The following MPC1 variants were observed in gnomAD, a reference collection of about 807,000 sequenced individuals.
MPC1 encodes the protein HSPC040 protein.
In MPC1, 6 loss-of-function variants were observed where a neutral mutation model predicts 13.9. That is an observed-to-expected ratio of 0.43 (90% confidence interval 0.24 to 0.85). The LOEUF (loss-of-function observed/expected upper bound fraction) is 0.85. Ranked by LOEUF, MPC1 falls within the 40% of genes least tolerant of loss-of-function variation. The probability of loss-of-function intolerance (pLI) is 0.24; values close to 1 mark genes in which losing one functional copy is unlikely to be tolerated. For synonymous variants in MPC1, 47 were observed against 50.5 expected (o/e 0.93, Z 0.29); for missense variants, 115 against 143.3 (o/e 0.80, Z 1.01).
At chr6:166,369,881 G>GA (rs34121349) in intron 2 of MPC1, 47 of 437,522 alleles carry the variant, frequency 1.1e-4, no homozygotes, top group African/African-American at 9.2e-4. Context: ...CACCCTACAG[G>GA]AAAAAATCAT....
intron 2 of MPC1, chr6:166,368,626 A>G (rs1260866667): frequency 3.4e-6 from 1 of 290,944 alleles, no homozygotes; most frequent in Non-Finnish European, 5.1e-6. Flanking sequence ...TCTATTAACA[A>G]TGACCCTTAA....
intron 3 of MPC1, 118 bp downstream of exon 3, chr6:166,366,677 A>C: frequency 2.2e-6 from 2 of 926,554 alleles, no homozygotes; most frequent in Non-Finnish European, 3.4e-6. Context: ...CCATGCCATC[A>C]CATTCTGTAT....
In MPC1 at chr6:166,375,527, T is replaced by C. The variant is rs1779537659; in HGVS notation, c.72-5306A>G. Among the ~76,000 whole-genome samples the C allele has an allele frequency of 2.0e-5, 3 of 151,952 alleles. No homozygotes were observed. In the South Asian group the frequency reaches 6.2e-4, roughly 32 times the overall value. On this transcript the variant is annotated intron_variant, in intron 1 of 4. Coordinates refer to ENST00000360961, the MANE Select transcript of MPC1 (RefSeq NM_016098.4). ...TAGAACCTTCTCGTTTTCTAATACATGCATCCAATGCTATAAAAATTCTCT... is the reference window on the plus strand; with the variant it reads ...TAGAACCTTCTCGTTTTCTAATACACGCATCCAATGCTATAAAAATTCTCT...
chr6:166,382,919 G>T lies in MPC1; in HGVS notation c.-43C>A. ...ACCCCGAGTGGTCCCTGCCTCTGCT[G>T]CCGCTTCCCAGAGCCAATGACACCC... is the stretch of plus-strand genomic sequence containing the variant. On this transcript the variant is annotated 5_prime_UTR_variant, in exon 1 of 5. Transcript: ENST00000360961. 6.4e-7 allele frequency: 1 copy of T among 1,566,176 alleles called. No individual in the cohort carries two copies. The highest frequency in any genetic ancestry group is 1.8e-5 in the Admixed American group (1 of 56,416).
intron 1 of MPC1, among the ~76,000 whole-genome samples, chr6:166,379,998 T>A (rs1259886450): frequency 4.6e-5 from 7 of 152,188 alleles, no homozygotes; most frequent in Admixed American, 6.5e-5. Flanking sequence ...CAATCACTGT[T>A]TGGCAGACCT....
intron 1 of MPC1, among the ~76,000 whole-genome samples, chr6:166,373,590 C>G (rs1779462878): frequency 6.6e-6 from 1 of 152,144 alleles, no homozygotes; most frequent in African/African-American, 2.4e-5. Flanking sequence ...TATAAAAATC[C>G]ACATACAGGT....
intron 1 of MPC1, among the ~76,000 whole-genome samples, chr6:166,380,833 G>GGAA (rs200007913): frequency 0.051 from 7,727 of 151,124 alleles, 295 homozygotes; most frequent in Middle Eastern, 0.086. Context: ...CAGCTACTTG[G>GGAA]GAAGCTAAGG....
intron 1 of MPC1, among the ~76,000 whole-genome samples, chr6:166,380,423 T>C (rs1051673177): frequency 6.6e-6 from 1 of 152,220 alleles, no homozygotes; most frequent in African/African-American, 2.4e-5. Context: ...ATTCTCTTCT[T>C]TTCCTTATTT....
chr6:166,368,128 A>G (rs914924395), intron 2 of MPC1, among the ~76,000 whole-genome samples: 2 of 152,230 alleles, frequency 1.3e-5, no homozygotes, highest in African/African-American at 4.8e-5. Flanking sequence ...CTGGCTAATT[A>G]GTTATCTTGC....
chr6:166,375,060 A>G (rs1354107373), intron 1 of MPC1, among the ~76,000 whole-genome samples: 3 of 152,252 alleles, frequency 2.0e-5, no homozygotes, highest in African/African-American at 7.2e-5. Context: ...TCAAAGTACC[A>G]GCATCACTAG....
intron 1 of MPC1, among the ~76,000 whole-genome samples, chr6:166,371,690 C>T (rs1265914343): frequency 6.6e-6 from 1 of 152,112 alleles, no homozygotes; most frequent in African/African-American, 2.4e-5. Flanking sequence ...ATTCTAAGAC[C>T]TCCAGTGGAT....
rs201142077 is a variant in MPC1 at position 166,366,052 on chromosome 6, C to T, written c.227G>A (p.Arg76Gln). The T allele has an allele frequency of 4.0e-5, 64 of 1,613,726 alleles. No individual in the cohort carries two copies. Among genetic ancestry groups the T allele is most frequent in the South Asian group, 5.5e-5 (5 of 91,066 alleles). The stretch of plus-strand genomic sequence containing the variant: ...GTGGCATGCAAACAGAAGCCAGTTC[C>T]GAGGCTGTACCTTGTAGGCAAATCT... ...FMRFAYKVQP[R>Q]NWLLFACHAT... is the part of the protein sequence containing the mutation. Residue 76 changes from arginine to glutamine, a missense_variant, in exon 4 of 5, where the codon CGG (arginine) becomes CAG (glutamine). Arg to Gln is a conservative substitution (Grantham distance 43, BLOSUM62 1). This residue lies in a region of MPC1 where 71 missense variants were observed against 88.5 expected (regional missense o/e 0.80). Transcript: ENST00000360961.
At chr6:166,370,336 T>G (rs1779332929) in intron 1 of MPC1, 115 bp from the exon 2 acceptor site, 1 of 639,302 alleles carries the variant, frequency 1.6e-6, no homozygotes, top group South Asian at 1.8e-5. Context: ...TGTATTCAAA[T>G]TTCAGTAACA....
At chr6:166,381,987 G>T (rs1779802141) in intron 1 of MPC1, among the ~76,000 whole-genome samples, 1 of 152,226 alleles carries the variant, frequency 6.6e-6, no homozygotes, top group Non-Finnish European at 1.5e-5. Context: ...TCTCAGCAGC[G>T]CCTCCCGCTG....
At chr6:166,369,083 G>A (rs1377722158) in intron 2 of MPC1, 2 of 351,258 alleles carry the variant, frequency 5.7e-6, no homozygotes, top group Non-Finnish European at 8.0e-6. Flanking sequence ...AGCCTTGGGA[G>A]ATTCCTGGCT....
At chr6:166,382,729 C>A in intron 1 of MPC1, 77 bp downstream of exon 1, 4 of 1,433,868 alleles carry the variant, frequency 2.8e-6, no homozygotes, top group Non-Finnish European at 3.7e-6. Flanking sequence ...CGCGGCCGCC[C>A]TCGTCGCGGA....
At chr6:166,381,958 C>A in intron 1 of MPC1, 3 of 331,594 alleles carry the variant, frequency 9.0e-6, no homozygotes, top group Non-Finnish European at 1.3e-5. Flanking sequence ...AGCTCCGCTC[C>A]AACAGCGCCG....
At chr6:166,368,557 GAAAAAAA>G (rs11370568) in intron 2 of MPC1, among the ~76,000 whole-genome samples, 1 of 114,292 alleles carries the variant, frequency 8.7e-6, no homozygotes, top group African/African-American at 3.4e-5. Flanking sequence ...CCGTCTCAGG[GAAAAAAA>G]AAAAAAAAAA....
At chr6:166,376,116 C>T (rs1480030171) in intron 1 of MPC1, among the ~76,000 whole-genome samples, 1 of 151,764 alleles carries the variant, frequency 6.6e-6, no homozygotes, top group Non-Finnish European at 1.5e-5. Flanking sequence ...AGAGACAGAA[C>T]TAATAGAAGA....
Sources: gnomAD v4.1 joint callset for allele counts (sites outside exome capture counted in the v4.1 genomes callset) on GRCh38, gnomAD v4.1.1 for gene constraint, gnomAD v4.1.1 regional missense constraint, MANE v1.5 for transcripts, NCBI Gene and HGNC (gene_info 2026-07-23, HGNC 2026-07-21) for gene names.